Variants in PHF24 observed in about 807,000 individuals in gnomAD.
PHF24 encodes the protein PHD finger protein 24, also known as Galpha inhibitory interacting protein.
Under a neutral mutation model 42.6 loss-of-function variants are expected in PHF24, and 25 were observed. The observed-to-expected ratio is 0.59, with a 90% confidence interval of 0.43 to 0.82. PHF24 has a LOEUF of 0.82. Ranked by LOEUF, PHF24 falls within the 40% of genes least tolerant of loss-of-function variation. The pLI, the probability that PHF24 is intolerant of heterozygous loss-of-function variation, is 0.00. For synonymous variants in PHF24, 185 were observed against 204.8 expected (o/e 0.90, Z 0.83); for missense variants, 470 against 538.1 (o/e 0.87, Z 1.25).
At chr9:34,797,292 T>C in the PHF24 span, among the ~76,000 whole-genome samples, 39 of 152,334 alleles carry the variant, frequency 2.6e-4, no homozygotes, top group African/African-American at 8.7e-4. Flanking sequence ...TTTTGCCTTC[T>C]GTAGGTGGCT....
the PHF24 span, among the ~76,000 whole-genome samples, chr9:34,745,104 G>A: frequency 6.6e-6 from 1 of 152,228 alleles, no homozygotes; most frequent in Non-Finnish European, 1.5e-5. Flanking sequence ...AGGAGCAGAG[G>A]AGGGATTAGA....
At chr9:34,845,934 G>A in the PHF24 span, among the ~76,000 whole-genome samples, 5 of 152,040 alleles carry the variant, frequency 3.3e-5, no homozygotes, top group East Asian at 1.9e-4. Context: ...TGAACTCATC[G>A]TTTTTTATGG....
the PHF24 span, chr9:34,689,492 C>CT: frequency 0.072 from 16,646 of 230,156 alleles, 155 homozygotes; most frequent in East Asian, 0.14. The surrounding 1 kb of genome is among the most constrained non-coding windows in gnomAD (Gnocchi z 4.1). Flanking sequence ...TGCCAGGTGC[C>CT]TTTTTTTTTT....
chr9:34,869,984 A>G, the PHF24 span, among the ~76,000 whole-genome samples: 2 of 152,038 alleles, frequency 1.3e-5, no homozygotes, highest in African/African-American at 4.8e-5. Context: ...TTTTTCTTAG[A>G]ACTTCCTCCA....
At chr9:34,833,175 T>C in the PHF24 span, 1 of 1,544,100 alleles carries the variant, frequency 6.5e-7, no homozygotes. Context: ...CCTGCTAGCA[T>C]GGGGACATGG....
intron 7 of PHF24, 37 bp downstream of exon 7, chr9:34,977,678 C>T (rs968061562): frequency 2.7e-6 from 4 of 1,500,738 alleles, no homozygotes; most frequent in African/African-American, 2.8e-5. Flanking sequence ...TTTGTACCCT[C>T]TGAACCCCCA....
the PHF24 span, among the ~76,000 whole-genome samples, chr9:34,916,920 G>T: frequency 6.6e-6 from 1 of 152,114 alleles, no homozygotes; most frequent in Non-Finnish European, 1.5e-5. Flanking sequence ...AAAAAGAAAC[G>T]TCCTTGTTTC....
the PHF24 span, among the ~76,000 whole-genome samples, chr9:34,692,629 G>T: frequency 6.6e-6 from 1 of 152,110 alleles, no homozygotes; most frequent in African/African-American, 2.4e-5. Flanking sequence ...GCGACAAGGT[G>T]AAAATTCTCC....
chr9:34,897,261 A>G, the PHF24 span, among the ~76,000 whole-genome samples: 1 of 152,224 alleles, frequency 6.6e-6, no homozygotes, highest in South Asian at 2.1e-4. Context: ...CTTAACCCTA[A>G]GTTGGGCAGT....
the PHF24 span, among the ~76,000 whole-genome samples, chr9:34,699,436 G>GT: frequency 1.3e-5 from 2 of 152,202 alleles, no homozygotes; most frequent in Non-Finnish European, 2.9e-5. Flanking sequence ...ATGGTCTGAG[G>GT]TTTGGAGCTA....
At chr9:34,795,201 G>T in the PHF24 span, among the ~76,000 whole-genome samples, 2 of 151,840 alleles carry the variant, frequency 1.3e-5, no homozygotes, top group African/African-American at 4.8e-5. Context: ...CTGTGATCAT[G>T]CCACTGCACT....
intron 1 of PHF24, among the ~76,000 whole-genome samples, chr9:34,968,974 A>G (rs1826876059): frequency 6.6e-6 from 1 of 152,232 alleles, no homozygotes; most frequent in Admixed American, 6.5e-5. Flanking sequence ...GACTTCCCCA[A>G]GGAAATGAGA....
the PHF24 span, among the ~76,000 whole-genome samples, chr9:34,743,099 C>G: frequency 6.6e-6 from 1 of 152,210 alleles, no homozygotes; most frequent in East Asian, 1.9e-4. Flanking sequence ...ACAGTATATT[C>G]TCTCACTTGA....
the PHF24 span, among the ~76,000 whole-genome samples, chr9:34,761,654 A>G: frequency 6.6e-6 from 1 of 152,080 alleles, no homozygotes; most frequent in African/African-American, 2.4e-5. Flanking sequence ...CATGGTAGAG[A>G]GAGAGCCCTA....
At chr9:34,894,011 G>A in the PHF24 span, among the ~76,000 whole-genome samples, 1 of 152,158 alleles carries the variant, frequency 6.6e-6, no homozygotes, top group African/African-American at 2.4e-5. Context: ...CCATCTGAGG[G>A]CTGTCTCCCT....
chr9:34,777,890 T>C, the PHF24 span, among the ~76,000 whole-genome samples: 1 of 152,214 alleles, frequency 6.6e-6, no homozygotes, highest in Non-Finnish European at 1.5e-5. Context: ...GTCAGCTTCC[T>C]ACTTTAGTTT....
the PHF24 span, among the ~76,000 whole-genome samples, chr9:34,720,616 T>G: frequency 6.6e-6 from 1 of 152,108 alleles, no homozygotes; most frequent in African/African-American, 2.4e-5. Flanking sequence ...TTCCATCTTC[T>G]CAGGGCAGCT....
At chr9:34,755,340 T>C in the PHF24 span, among the ~76,000 whole-genome samples, 1 of 152,136 alleles carries the variant, frequency 6.6e-6, no homozygotes, top group Non-Finnish European at 1.5e-5. Flanking sequence ...ACACTTACAA[T>C]GTACCCACAA....
the PHF24 span, among the ~76,000 whole-genome samples, chr9:34,815,258 C>T: frequency 6.6e-6 from 1 of 152,162 alleles, no homozygotes; most frequent in Non-Finnish European, 1.5e-5. Context: ...TTAAAAATGA[C>T]TTGGTTAATC....
Sources: gnomAD v4.1 joint callset for allele counts (sites outside exome capture counted in the v4.1 genomes callset) on GRCh38, gnomAD v4.1.1 for gene constraint, Gnocchi (gnomAD v3.1) non-coding constraint, MANE v1.5 for transcripts, NCBI Gene and HGNC (gene_info 2026-07-23, HGNC 2026-07-21) for gene names.